The following CUBN variants were observed in gnomAD, a reference collection of about 807,000 sequenced individuals.
CUBN encodes 460 kDa receptor.
CUBN carries 282 observed loss-of-function variants against 405.3 expected under a neutral mutation model. The observed-to-expected ratio is 0.70, with a 90% confidence interval of 0.63 to 0.77. The LOEUF is 0.77. Among genes scored for constraint, CUBN ranks in the 30% least tolerant of loss-of-function variants. CUBN has a pLI of 0.00. For synonymous variants in CUBN, 1,684 were observed against 1,617.0 expected (o/e 1.04, Z -0.99); for missense variants, 4,514 against 4,475.2 (o/e 1.01, Z -0.25).
At chr10:16,976,991 T>C (rs918519461) in intron 31 of CUBN, among the ~76,000 whole-genome samples, 3 of 152,244 alleles carry the variant, frequency 2.0e-5, no homozygotes, top group Non-Finnish European at 4.4e-5. Context: ...TTTATTTCCA[T>C]GAGTTGAGTA....
intron 39 of CUBN, among the ~76,000 whole-genome samples, chr10:16,934,294 G>A (rs1480139532): frequency 6.6e-6 from 1 of 152,094 alleles, no homozygotes; most frequent in Non-Finnish European, 1.5e-5. Flanking sequence ...AATTATTTTT[G>A]CCATCACTTT....
At chr10:17,007,191 C>G (rs1834049908) in intron 28 of CUBN, among the ~76,000 whole-genome samples, 1 of 151,178 alleles carries the variant, frequency 6.6e-6, no homozygotes, top group Non-Finnish European at 1.5e-5. Context: ...CACCCCCTCC[C>G]CCTGCAACCC....
intron 31 of CUBN, among the ~76,000 whole-genome samples, chr10:16,974,066 G>A (rs2131676987): frequency 6.6e-6 from 1 of 152,262 alleles, no homozygotes; most frequent in East Asian, 1.9e-4. Flanking sequence ...ACCATCAGCA[G>A]CATCATAATG....
intron 43 of CUBN, among the ~76,000 whole-genome samples, chr10:16,923,328 A>T (rs575312131): frequency 6.6e-6 from 1 of 152,300 alleles, no homozygotes; most frequent in East Asian, 1.9e-4. Flanking sequence ...AATCAACCAT[A>T]GCGAAGGAGT....
intron 54 of CUBN, among the ~76,000 whole-genome samples, chr10:16,891,905 T>A (rs1329392240): frequency 1.3e-5 from 2 of 152,140 alleles, no homozygotes; most frequent in Admixed American, 6.5e-5. Flanking sequence ...ATACCCAATA[T>A]GCCCTTTCTA....
intron 22 of CUBN, among the ~76,000 whole-genome samples, chr10:17,064,805 T>C (rs923496033): frequency 6.6e-6 from 1 of 152,134 alleles, no homozygotes; most frequent in African/African-American, 2.4e-5. Context: ...AAGGGCATAG[T>C]AATAATGAGA....
chr10:17,071,691 A>C, intron 18 of CUBN, 87 bp from the exon 19 acceptor site: 1 of 1,479,848 alleles, frequency 6.8e-7, no homozygotes, highest in Non-Finnish European at 9.4e-7. Context: ...CTGCCTGAGG[A>C]GATAACCGAA....
rs143197663 is a variant in CUBN at position 16,928,222 on chromosome 10, A to G, written c.6206T>C (p.Met2069Thr). 10 of 1,613,936 alleles carry G rather than the reference A, an allele frequency of 6.2e-6. No homozygotes were observed. Among genetic ancestry groups the G allele is most frequent in the East Asian group, 4.5e-5 (2 of 44,890 alleles). ...PGPIRSTGEY[M>T]FIRFTSDSSV... ...GGAGTCCGAGGTGAAGCGGATGAACATGTACTCTCCAGTAGACCGGATGGG... is the reference window on the plus strand; with the variant it reads ...GGAGTCCGAGGTGAAGCGGATGAACGTGTACTCTCCAGTAGACCGGATGGG... The change falls in exon 41 of 67, where the codon ATG becomes ACG. Residue 2069 changes from methionine (M) to threonine (T), a missense_variant. This residue lies in a region of CUBN where 1,613 missense variants were observed against 1,542.8 expected (regional missense o/e 1.05). Coordinates refer to ENST00000377833, the MANE Select transcript of CUBN (RefSeq NM_001081.4).
In CUBN at chr10:17,019,847, T is replaced by G. The variant is rs771799817; in HGVS notation, c.4154A>C (p.Gln1385Pro). Residue 1385 changes from glutamine (Q) to proline (P), a missense_variant, in exon 28 of 67, where the codon CAG becomes CCG. Gln to Pro is a moderately conservative substitution (Grantham distance 76). Around this residue, in one of 5 missense-constraint regions of CUBN, gnomAD observed 242 missense variants for 309.0 expected, o/e 0.78. Transcript: ENST00000377833. ...ACCTGGCTTACCGTAAACAAACCAC[T>G]GCATCTGAAATCCTTTCTCACGGCG... ...VGRREKGFQMQWFVYGCGGEL... is the reference protein window; with the variant it reads ...VGRREKGFQMPWFVYGCGGEL... 2 of 1,614,032 alleles carry G rather than the reference T, an allele frequency of 1.2e-6. No individual in the cohort carries two copies. The highest frequency in any genetic ancestry group is 1.7e-6 in the Non-Finnish European group (2 of 1,180,008).
intron 63 of CUBN, among the ~76,000 whole-genome samples, chr10:16,835,661 T>C (rs1367014708): frequency 6.6e-6 from 1 of 152,114 alleles, no homozygotes; most frequent in African/African-American, 2.4e-5. Flanking sequence ...TCGTTTGTTT[T>C]AACCAAAGGA....
At chr10:17,025,189 A>G (rs1488851125) in intron 27 of CUBN, among the ~76,000 whole-genome samples, 1 of 152,218 alleles carries the variant, frequency 6.6e-6, no homozygotes, top group Non-Finnish European at 1.5e-5. Flanking sequence ...TATTCTTTCT[A>G]TAGAATAAAA....
At chr10:16,984,414 G>A (rs552912815) in intron 29 of CUBN, 135 bp from the exon 30 acceptor site, 1 of 864,202 alleles carries the variant, frequency 1.2e-6, no homozygotes, top group Admixed American at 2.1e-5. Flanking sequence ...TCCCTGGGTG[G>A]GGATGCACTA....
Position 17,125,771 on chromosome 10 carries a change from C to T in CUBN, c.387+990G>A, listed in dbSNP as rs186111489. On this transcript the variant is annotated intron_variant, in intron 4 of 66. Coordinates refer to ENST00000377833, the MANE Select transcript of CUBN (RefSeq NM_001081.4). Reference sequence around the variant, plus strand: ...GATGAGGGTAGGAGGACTGGCTGAGCGAATATAATGAAGCCCTCCAGGAGA... The same window carrying T: ...GATGAGGGTAGGAGGACTGGCTGAGTGAATATAATGAAGCCCTCCAGGAGA... Among the ~76,000 whole-genome samples the T allele has an allele frequency of 9.2e-5, 14 of 152,204 alleles. No individual in the cohort carries two copies. In the East Asian group the frequency reaches 1.7e-3, roughly 19 times the overall value.
At chr10:17,010,066 T>C (rs1190621643) in intron 28 of CUBN, among the ~76,000 whole-genome samples, 1 of 152,202 alleles carries the variant, frequency 6.6e-6, no homozygotes, top group Non-Finnish European at 1.5e-5. Flanking sequence ...GAAATGCAGA[T>C]TCACGGGCCT....
chr10:17,018,457 G>A (rs541668774), intron 28 of CUBN, among the ~76,000 whole-genome samples: 7 of 152,044 alleles, frequency 4.6e-5, no homozygotes, highest in East Asian at 1.9e-4. Flanking sequence ...TTTTCCTTCC[G>A]GTGGGTTCAT....
rs763918273 is a variant in CUBN, at chr10:16,851,270, T to C, written c.9628A>G (p.Ser3210Gly). 4 of 1,614,174 alleles carry C rather than the reference T, an allele frequency of 2.5e-6. No individual in the cohort carries two copies. The highest frequency in any genetic ancestry group is 3.4e-6 in the Non-Finnish European group (4 of 1,179,998). Residue 3210 changes from serine (S) to glycine (G), a missense_variant, in exon 60 of 67, where the codon AGT becomes GGT. This residue lies in a region of CUBN where 1,186 missense variants were observed against 1,186.9 expected (regional missense o/e 1.00). Transcript: ENST00000377833. ...TFNTFALEAA[S>G]TRQRCLYDYV... is the part of the protein sequence containing the mutation. ...TCATAAAGGCATCTTTGCCTAGTAC[T>C]TGCTGCCTCCAGAGCAAATGTATTG...
chr10:16,989,799 CG>C (rs1195707406), intron 29 of CUBN, among the ~76,000 whole-genome samples: 1 of 152,190 alleles, frequency 6.6e-6, no homozygotes, highest in Non-Finnish European at 1.5e-5. Flanking sequence ...ATGGCCCTGG[CG>C]GCCCCTTGAA....
intron 26 of CUBN, 62 bp downstream of exon 26, chr10:17,043,765 C>T: frequency 1.5e-5 from 24 of 1,602,826 alleles, no homozygotes; most frequent in Non-Finnish European, 2.0e-5. Context: ...CACACTTACT[C>T]TGCTGGTATT....
intron 27 of CUBN, among the ~76,000 whole-genome samples, chr10:17,023,135 G>A (rs1834545849): frequency 6.6e-6 from 1 of 151,700 alleles, no homozygotes; most frequent in South Asian, 2.1e-4. Context: ...ATTACGCATT[G>A]AAGGAGACCC....
Sources: gnomAD v4.1 joint callset for allele counts (sites outside exome capture counted in the v4.1 genomes callset) on GRCh38, gnomAD v4.1.1 for gene constraint, gnomAD v4.1.1 regional missense constraint, MANE v1.5 for transcripts, NCBI Gene and HGNC (gene_info 2026-07-23, HGNC 2026-07-21) for gene names.